CHRM2: variants seen among roughly 807,000 people sequenced by gnomAD.
CHRM2 encodes muscarinic acetylcholine receptor M2.
A neutral mutation model predicts 25.0 loss-of-function variants in CHRM2; 8 were observed. The observed-to-expected ratio is 0.32, with a 90% confidence interval of 0.19 to 0.58. The LOEUF (loss-of-function observed/expected upper bound fraction) is 0.58. Ranked by LOEUF, CHRM2 falls within the 20% of genes least tolerant of loss-of-function variation. CHRM2 has a pLI of 0.88. For synonymous variants in CHRM2, 202 were observed against 205.7 expected, an observed-to-expected ratio of 0.98 and a Z score of 0.15; for missense variants, 440 against 567.1, an observed-to-expected ratio of 0.78 and a Z score of 2.28.
At chr7:136,931,037 T>C (rs1799073162) in intron 2 of CHRM2, among the ~76,000 whole-genome samples, 1 of 152,154 alleles carries the variant, frequency 6.6e-6, no homozygotes, top group East Asian at 1.9e-4. Context: ...CTAAGTTTTC[T>C]GGTACGATTA....
chr7:136,907,861 C>T (rs1170952191), intron 2 of CHRM2: 3 of 151,966 alleles, frequency 2.0e-5, no homozygotes, highest in Non-Finnish European at 1.5e-5. Context: ...GCTCTCTGAT[C>T]CAGAGCAGGG....
At chr7:136,963,076 G>A (rs1038762241) in intron 2 of CHRM2, among the ~76,000 whole-genome samples, 1 of 152,120 alleles carries the variant, frequency 6.6e-6, no homozygotes, top group Non-Finnish European at 1.5e-5. Context: ...ATGTTACATG[G>A]AAGAGTGAGA....
chr7:136,980,612 C>T (rs186826948), intron 2 of CHRM2, among the ~76,000 whole-genome samples: 89 of 152,156 alleles, frequency 5.8e-4, no homozygotes, highest in African/African-American at 1.2e-3. Context: ...TTTTGAGATG[C>T]GTTCCATCAA....
intron 2 of CHRM2, among the ~76,000 whole-genome samples, chr7:136,910,919 T>A (rs1305218520): frequency 1.3e-5 from 2 of 151,834 alleles, no homozygotes; most frequent in African/African-American, 2.4e-5. Flanking sequence ...TTAAATTTCG[T>A]TGTTGCTTCA....
At chr7:136,983,152 T>A (rs561721804) in intron 2 of CHRM2, among the ~76,000 whole-genome samples, 9 of 152,314 alleles carry the variant, frequency 5.9e-5, no homozygotes, top group African/African-American at 1.9e-4. Context: ...TTTCATTCTT[T>A]TTACTCTAAT....
chr7:136,901,775 C>G (rs1391367452), intron 2 of CHRM2: 1 of 152,042 alleles, frequency 6.6e-6, no homozygotes, highest in East Asian at 1.9e-4. Flanking sequence ...CTTGCACACA[C>G]ATCTCATGCA....
At chr7:137,013,403 G>A (rs1343538190) in intron 3 of CHRM2, among the ~76,000 whole-genome samples, 18 of 151,862 alleles carry the variant, frequency 1.2e-4, no homozygotes, top group Non-Finnish European at 2.1e-4. Flanking sequence ...TTTCTACATG[G>A]ATTTCAAGGG....
chr7:136,905,038 A>G (rs1365892199), intron 2 of CHRM2, among the ~76,000 whole-genome samples: 2 of 151,982 alleles, frequency 1.3e-5, no homozygotes, highest in African/African-American at 4.8e-5. Flanking sequence ...CAACACAAAT[A>G]TTAATATTGG....
At chr7:137,010,721 CAG>C (rs1804746927) in intron 3 of CHRM2, among the ~76,000 whole-genome samples, 1 of 151,932 alleles carries the variant, frequency 6.6e-6, no homozygotes. Flanking sequence ...TCTAAAAATT[CAG>C]AGACTGTAAT....
At chr7:136,925,127 A>G (rs1798668736) in intron 2 of CHRM2, among the ~76,000 whole-genome samples, 1 of 152,202 alleles carries the variant, frequency 6.6e-6, no homozygotes, top group African/African-American at 2.4e-5. Context: ...AACATAATAA[A>G]TGGAAATAAC....
intron 2 of CHRM2, among the ~76,000 whole-genome samples, chr7:136,986,360 TA>T (rs1344027193): frequency 1.9e-4 from 29 of 152,178 alleles, no homozygotes; most frequent in Admixed American, 1.6e-3. Context: ...ATACCCTAAT[TA>T]TTTAAAAAAT....
At chr7:136,886,440 G>T (rs943797596) in intron 2 of CHRM2, among the ~76,000 whole-genome samples, 11 of 152,218 alleles carry the variant, frequency 7.2e-5, no homozygotes, top group African/African-American at 2.4e-4. Context: ...TTGAGAAGAA[G>T]ACTCAGATTC....
At chr7:136,951,771 T>C (rs1800426429) in intron 2 of CHRM2, among the ~76,000 whole-genome samples, 2 of 152,174 alleles carry the variant, frequency 1.3e-5, no homozygotes, top group Admixed American at 1.3e-4. Flanking sequence ...ACTTTCCTTG[T>C]ATGGTATGGT....
At chr7:136,958,469 T>C (rs1330297111) in intron 2 of CHRM2, among the ~76,000 whole-genome samples, 1 of 144,570 alleles carries the variant, frequency 6.9e-6, no homozygotes, top group Non-Finnish European at 1.5e-5. Context: ...TTTTTTTTTT[T>C]TTCTGAGACA....
At chr7:136,912,060 A>G (rs1480436451) in intron 2 of CHRM2, among the ~76,000 whole-genome samples, 2 of 151,958 alleles carry the variant, frequency 1.3e-5, no homozygotes, top group African/African-American at 4.8e-5. Flanking sequence ...TCTTTGCAAT[A>G]AAAAGGTGAT....
chr7:136,980,357 G>T (rs112935387), intron 2 of CHRM2, among the ~76,000 whole-genome samples: 3,801 of 152,196 alleles, frequency 0.025, 169 homozygotes, highest in African/African-American at 0.087. Flanking sequence ...AGACAATGGG[G>T]TTTTCTAAAT....
intron 2 of CHRM2, among the ~76,000 whole-genome samples, chr7:136,965,650 T>G (rs1350589622): frequency 6.6e-6 from 1 of 152,016 alleles, no homozygotes; most frequent in Non-Finnish European, 1.5e-5. Flanking sequence ...AAGAAGCTCC[T>G]ACAGACACAA....
chr7:136,980,402 G>T (rs188060429), intron 2 of CHRM2, among the ~76,000 whole-genome samples: 295 of 152,278 alleles, frequency 1.9e-3, no homozygotes, highest in South Asian at 8.3e-3. Context: ...AATATAATTT[G>T]ACTTCCTCTC....
chr7:137,005,219 C>T (rs537497563), intron 3 of CHRM2, among the ~76,000 whole-genome samples: 22 of 152,152 alleles, frequency 1.4e-4, no homozygotes, highest in African/African-American at 5.3e-4. Flanking sequence ...CTAATAATAG[C>T]ATGTCTACAA....
Sources: gnomAD v4.1 joint callset for allele counts (sites outside exome capture counted in the v4.1 genomes callset) on GRCh38, gnomAD v4.1.1 for gene constraint, MANE v1.5 for transcripts, NCBI Gene and HGNC (gene_info 2026-07-23, HGNC 2026-07-21) for gene names.